PACS1: variants seen among roughly 807,000 people sequenced by gnomAD.
PACS1 encodes the protein phosphofurin acidic cluster sorting protein 1.
PACS1 carries 24 observed loss-of-function variants against 115.0 expected under a neutral mutation model. That is an observed-to-expected ratio of 0.21 (90% CI 0.15 to 0.29). The LOEUF is 0.29. PACS1 is among the 10% of genes least tolerant of loss of function. The pLI, the probability that PACS1 is intolerant of heterozygous loss-of-function variation, is 1.00. For missense variants in PACS1, 838 were observed against 1,251.2 expected (o/e 0.67, Z 4.98); for synonymous variants, 453 against 504.5 (o/e 0.90, Z 1.37).
chr11:66,146,972 G>A (rs1229420207), intron 1 of PACS1, among the ~76,000 whole-genome samples: 2 of 152,170 alleles, frequency 1.3e-5, no homozygotes, highest in Admixed American at 6.5e-5. Context: ...CAGGAGAATC[G>A]CTTGAACCTG....
intron 1 of PACS1, among the ~76,000 whole-genome samples, chr11:66,137,931 C>T (rs1192216983): frequency 6.6e-6 from 1 of 151,902 alleles, no homozygotes; most frequent in African/African-American, 2.4e-5. Context: ...GGGGTTTCAC[C>T]ATGTTGGCCA....
At chr11:66,177,802 C>G (rs1382153106) in intron 1 of PACS1, among the ~76,000 whole-genome samples, 4 of 152,000 alleles carry the variant, frequency 2.6e-5, no homozygotes, top group Admixed American at 2.0e-4. Flanking sequence ...TTTGTAGACA[C>G]GGGGTCTCAC....
In PACS1 at chr11:66,241,491, G is replaced by A. The variant is rs1590844551; in HGVS notation, c.2494G>A (p.Gly832Arg). The part of the protein sequence containing the change: ...LQVDYWLGHP[G>R]ERRREGDKRD... ...GGTGGACTACTGGCTGGGCCACCCC[G>A]GGGAGCGGAGGAGGGAAGGCGACAA... is the stretch of plus-strand genomic sequence containing the variant. Residue 832 changes from glycine (G) to arginine (R), a missense_variant, in exon 22 of 24, where the codon GGG becomes AGG. By Grantham distance (125) the Gly-to-Arg change is moderately radical (BLOSUM62 -2). Coordinates refer to ENST00000320580, the MANE Select transcript of PACS1 (RefSeq NM_018026.4). The A allele has an allele frequency of 1.9e-6, 3 of 1,613,062 alleles. No homozygotes were observed. The highest frequency in any genetic ancestry group is 2.7e-5 in the African/African-American group (2 of 74,928).
At chr11:66,085,019 G>T (rs1374084150) in intron 1 of PACS1, among the ~76,000 whole-genome samples, 1 of 152,188 alleles carries the variant, frequency 6.6e-6, no homozygotes, top group Non-Finnish European at 1.5e-5. Context: ...TGTTGTGTTT[G>T]CTGTCTGGTG....
chr11:66,148,242 C>T (rs1173013969), intron 1 of PACS1, among the ~76,000 whole-genome samples: 3 of 152,136 alleles, frequency 2.0e-5, no homozygotes, highest in Non-Finnish European at 4.4e-5. Context: ...GCAGCCTTGA[C>T]CTCCTGGGCT....
intron 1 of PACS1, among the ~76,000 whole-genome samples, chr11:66,109,449 G>A (rs1055508157): frequency 3.3e-5 from 5 of 152,198 alleles, no homozygotes; most frequent in African/African-American, 1.2e-4. Flanking sequence ...TCAGGTCTGT[G>A]AAGAAGTGTG....
intron 1 of PACS1, among the ~76,000 whole-genome samples, chr11:66,106,586 A>T (rs183899676): frequency 1.3e-5 from 2 of 151,880 alleles, no homozygotes; most frequent in African/African-American, 4.8e-5. Context: ...AAAAAAATAT[A>T]AAAAAATTAG....
intron 4 of PACS1, among the ~76,000 whole-genome samples, chr11:66,212,847 T>C (rs1855107837): frequency 6.6e-6 from 1 of 152,026 alleles, no homozygotes; most frequent in African/African-American, 2.4e-5. Context: ...ATTAATTGGC[T>C]TTATTTATTT....
chr11:66,074,693 T>A (rs1857363993), intron 1 of PACS1, among the ~76,000 whole-genome samples: 1 of 152,056 alleles, frequency 6.6e-6, no homozygotes, highest in African/African-American at 2.4e-5. Context: ...TAGGTCACAT[T>A]TTTTTTAAGT....
chr11:66,082,857 A>G (rs1159026794), intron 1 of PACS1, among the ~76,000 whole-genome samples: 2 of 152,222 alleles, frequency 1.3e-5, no homozygotes, highest in African/African-American at 4.8e-5. Flanking sequence ...CTCTGTTTCA[A>G]AAAATATAAA....
intron 10 of PACS1, among the ~76,000 whole-genome samples, chr11:66,225,803 G>T (rs990950253): frequency 6.6e-6 from 1 of 152,188 alleles, no homozygotes; most frequent in African/African-American, 2.4e-5. Context: ...GTCATATTGA[G>T]ATCGAAAATG....
intron 2 of PACS1, among the ~76,000 whole-genome samples, chr11:66,194,696 G>A (rs1196650077): frequency 6.6e-6 from 1 of 152,094 alleles, no homozygotes; most frequent in Non-Finnish European, 1.5e-5. Flanking sequence ...GCTTAAGGAT[G>A]GTGTATTTAC....
At chr11:66,186,529 T>C (rs1451689326) in intron 1 of PACS1, among the ~76,000 whole-genome samples, 2 of 152,218 alleles carry the variant, frequency 1.3e-5, no homozygotes, top group African/African-American at 4.8e-5. Context: ...TCACACAATC[T>C]GACCTACTAC....
At chr11:66,153,756 G>A (rs1006175216) in intron 1 of PACS1, among the ~76,000 whole-genome samples, 2 of 152,124 alleles carry the variant, frequency 1.3e-5, no homozygotes, top group Admixed American at 6.5e-5. Context: ...ACTCCAGCCT[G>A]GGTGACAGAG....
intron 1 of PACS1, among the ~76,000 whole-genome samples, chr11:66,133,452 GCAGGTCACTGGAA>G (rs1858749537): frequency 6.6e-6 from 1 of 152,212 alleles, no homozygotes. Flanking sequence ...CAACCTCGAT[GCAGGTCACTGGAA>G]CAGCTGATAA....
At chr11:66,132,894 G>T (rs1226112003) in intron 1 of PACS1, among the ~76,000 whole-genome samples, 2 of 152,058 alleles carry the variant, frequency 1.3e-5, no homozygotes, top group African/African-American at 2.4e-5. Flanking sequence ...TCTCGAACTC[G>T]TGACCTCAAG....
At chr11:66,220,262 G>C (rs1432969246) in intron 8 of PACS1, 60 of 297,444 alleles carry the variant, frequency 2.0e-4, no homozygotes, top group Non-Finnish European at 2.5e-5. Flanking sequence ...GTTTCCACAG[G>C]CCTCTCAGTG....
intron 1 of PACS1, among the ~76,000 whole-genome samples, chr11:66,159,985 G>GA (rs1270986039): frequency 6.6e-6 from 1 of 152,184 alleles, no homozygotes; most frequent in African/African-American, 2.4e-5. Context: ...TTAGTGTGGT[G>GA]AAGCAGATTT....
At chr11:66,212,252 C>A (rs1286800519) in intron 4 of PACS1, among the ~76,000 whole-genome samples, 1 of 151,778 alleles carries the variant, frequency 6.6e-6, no homozygotes, top group Middle Eastern at 3.4e-3. Flanking sequence ...CTACCTTAGC[C>A]TCCTGAGTAG....
Sources: allele counts gnomAD v4.1 joint callset (sites outside exome capture counted in the v4.1 genomes callset), GRCh38; gene constraint gnomAD v4.1.1; transcripts MANE v1.5; gene names NCBI Gene and HGNC (gene_info 2026-07-23, HGNC 2026-07-21).